Variants in WDR26 observed in about 807,000 individuals in gnomAD.
The protein encoded by WDR26 is WD repeat domain 26.
In WDR26, 5 loss-of-function variants were observed where a neutral mutation model predicts 84.1. The observed-to-expected ratio is 0.06, with a 90% CI of 0.03 to 0.13. The LOEUF (loss-of-function observed/expected upper bound fraction) is 0.13. Among genes scored for constraint, WDR26 ranks in the 10% least tolerant of loss-of-function variants. The pLI is 1.00. For missense variants in WDR26, 642 were observed against 974.9 expected (o/e 0.66, Z 4.55); for synonymous variants, 415 against 389.6 (o/e 1.07, Z -0.77).
chr1:224,405,478 AT>A (rs1673526026), intron 7 of WDR26, among the ~76,000 whole-genome samples: 1 of 152,170 alleles, frequency 6.6e-6, no homozygotes, highest in African/African-American at 2.4e-5. Flanking sequence ...TCTGTTTAAC[AT>A]TTTGAGAAAC....
chr1:224,422,525 G>C (rs944359257), intron 4 of WDR26, among the ~76,000 whole-genome samples: 2 of 152,144 alleles, frequency 1.3e-5, no homozygotes, highest in African/African-American at 4.8e-5. Flanking sequence ...AGACCAGCCT[G>C]GCCAATGTGG....
At chr1:224,416,995 TAA>T (rs1673924293) in intron 6 of WDR26, among the ~76,000 whole-genome samples, 1 of 152,218 alleles carries the variant, frequency 6.6e-6, no homozygotes, top group Admixed American at 6.5e-5. Flanking sequence ...GTAGAATATT[TAA>T]GATATGTACC....
chr1:224,410,694 C>CTTTTTTTTTTTT (rs397983007), intron 7 of WDR26, among the ~76,000 whole-genome samples: 1 of 118,954 alleles, frequency 8.4e-6, no homozygotes, highest in African/African-American at 3.3e-5. Flanking sequence ...ATCTTTCTTT[C>CTTTTTTTTTTTT]TTTTTTTTTT....
chr1:224,422,557 A>T (rs1674094636), intron 4 of WDR26, among the ~76,000 whole-genome samples: 1 of 152,172 alleles, frequency 6.6e-6, no homozygotes, highest in South Asian at 2.1e-4. Context: ...CTCTACTAAA[A>T]ATACAAAATT....
intron 7 of WDR26, among the ~76,000 whole-genome samples, chr1:224,410,355 C>G (rs373868067): frequency 5.3e-5 from 8 of 150,400 alleles, no homozygotes; most frequent in African/African-American, 1.9e-4. Flanking sequence ...ACTCCTAAAC[C>G]AAATATAGTT....
intron 7 of WDR26, among the ~76,000 whole-genome samples, chr1:224,407,151 A>AAAAAAAAATAATATATATATATAT: frequency 1.7e-4 from 2 of 11,868 alleles, no homozygotes; most frequent in Non-Finnish European, 2.8e-4. Flanking sequence ...AAAAAAAAAA[A>AAAAAAAAATAATATATATATATAT]ATATATATAT....
At chr1:224,416,237 T>C (rs946325280) in intron 6 of WDR26, among the ~76,000 whole-genome samples, 1 of 152,002 alleles carries the variant, frequency 6.6e-6, no homozygotes, top group African/African-American at 2.4e-5. Context: ...CTTTCTTTTT[T>C]TTTTTTCTGA....
chr1:224,397,257 T>C (rs546971184), intron 12 of WDR26, among the ~76,000 whole-genome samples: 7 of 152,298 alleles, frequency 4.6e-5, no homozygotes, highest in African/African-American at 1.7e-4. Context: ...TCCCAGAGTG[T>C]TGAGATTACA....
chr1:224,434,259 TG>T lies in WDR26; in HGVS notation c.146del (p.Ala49GlufsTer22). ...ACGACGAGGACGGAGGGGAGAGGCCTGCTCTGCCTGCCGAAGCCCCGGGCTC... is the reference window on the plus strand; with the variant it reads ...ACGACGAGGACGGAGGGGAGAGGCCTCTCTGCCTGCCGAAGCCCCGGGCTC... On this transcript the variant is annotated frameshift_variant, in exon 1 of 14. Coordinates refer to ENST00000414423, the MANE Select transcript of WDR26 (RefSeq NM_001379403.1). LOFTEE classifies it high-confidence loss of function. 1 of 1,301,648 alleles carries T rather than the reference TG, an allele frequency of 7.7e-7. No homozygotes were observed. The highest frequency in any genetic ancestry group is 9.7e-7 in the Non-Finnish European group (1 of 1,027,158). The allele number at this position is 1,301,648 out of a possible 1,614,324, so 80.6% of individuals were successfully genotyped here.
intron 12 of WDR26, among the ~76,000 whole-genome samples, chr1:224,395,481 T>G (rs1412665216): frequency 6.6e-6 from 1 of 152,158 alleles, no homozygotes; most frequent in Non-Finnish European, 1.5e-5. Flanking sequence ...TCTGAACTTT[T>G]TGTGTGTGTA....
At position 224,434,576 on chromosome 1, in the gene WDR26, C is replaced by T; in HGVS notation, c.-171G>A. The T allele has an allele frequency of 2.1e-6, 1 of 473,378 alleles. No individual in the cohort carries two copies. The highest frequency in any genetic ancestry group is 2.7e-6 in the Non-Finnish European group (1 of 365,514). The allele number at this position is 473,378 out of a possible 1,614,324, so 29.3% of individuals were successfully genotyped here. ...GAAGGAGGATCCGGGCCCTTTCCCC[C>T]CCCCCTCCCGGAGGCAGCTCGGGGT... On this transcript the variant is annotated 5_prime_UTR_variant, in exon 1 of 14. Transcript: ENST00000414423.
intron 4 of WDR26, among the ~76,000 whole-genome samples, chr1:224,422,806 C>G (rs983330148): frequency 2.0e-5 from 3 of 151,720 alleles, no homozygotes; most frequent in African/African-American, 7.3e-5. Flanking sequence ...CATGGCTTAA[C>G]TAGGCTAGAA....
At chr1:224,419,184 T>C (rs1429986097) in intron 5 of WDR26, among the ~76,000 whole-genome samples, 1 of 152,182 alleles carries the variant, frequency 6.6e-6, no homozygotes, top group Non-Finnish European at 1.5e-5. Context: ...ACTATTGAAA[T>C]CAACAAAATC....
chr1:224,393,184 A>G lies in WDR26; in HGVS notation c.2260+644T>C, dbSNP rs143590142. On this transcript the variant is annotated intron_variant, in intron 13 of 13. Transcript: ENST00000414423. ...AGACTTGAAGACCTGATGGCACTCA[A>G]CAAGTGAATTAGTTTTGCCATGCTG... is the stretch of plus-strand genomic sequence containing the variant. 4.9e-3 allele frequency among the ~76,000 whole-genome samples: 740 copies of G among 152,358 alleles called. 5 individuals are homozygous for G. Among genetic ancestry groups the G allele is most frequent in the African/African-American group, 0.017 (695 of 41,582 alleles).
At chr1:224,421,626 T>C (rs1674065981) in intron 4 of WDR26, among the ~76,000 whole-genome samples, 2 of 152,110 alleles carry the variant, frequency 1.3e-5, no homozygotes, top group Admixed American at 6.5e-5. Flanking sequence ...ATTTGTCAGC[T>C]ACCATATCAA....
In WDR26 at chr1:224,414,611, T is replaced by C. The variant is rs72758329; in HGVS notation, c.1320-3046A>G. On this transcript the variant is annotated intron_variant, in intron 6 of 13. Transcript: ENST00000414423. ...TCTAGTTCCAATGCTAAAATCTAGT[T>C]TCTAAAAGAGTAAAGAAAGTAATAA... 8.1e-3 allele frequency among the ~76,000 whole-genome samples: 1,238 copies of C among 152,320 alleles called. 10 individuals carry two copies. Among genetic ancestry groups the C allele is most frequent in the Non-Finnish European group, 0.014 (951 of 68,032 alleles).
intron 6 of WDR26, among the ~76,000 whole-genome samples, chr1:224,416,455 T>C (rs1392674192): frequency 6.6e-6 from 1 of 152,078 alleles, no homozygotes; most frequent in Non-Finnish European, 1.5e-5. Flanking sequence ...CTCAATCTCC[T>C]GACCTCGTGA....
intron 1 of WDR26, 84 bp from the exon 2 acceptor site, chr1:224,431,865 A>T: frequency 8.9e-7 from 1 of 1,127,630 alleles, no homozygotes; most frequent in Non-Finnish European, 1.2e-6. Context: ...ATGAAAACAG[A>T]TGCAAAGTTT....
intron 6 of WDR26, among the ~76,000 whole-genome samples, chr1:224,414,249 G>A (rs1032383830): frequency 6.6e-6 from 1 of 151,810 alleles, no homozygotes; most frequent in African/African-American, 2.4e-5. Context: ...GGGATTACAG[G>A]CACCCACCAC....
Sources: gnomAD v4.1 joint callset for allele counts (sites outside exome capture counted in the v4.1 genomes callset) on GRCh38, gnomAD v4.1.1 for gene constraint, MANE v1.5 for transcripts, NCBI Gene and HGNC (gene_info 2026-07-23, HGNC 2026-07-21) for gene names.